ERN1: variants seen among roughly 807,000 people sequenced by gnomAD.
ERN1 encodes the protein serine/threonine-protein kinase/endoribonuclease IRE1.
Under a neutral mutation model 113.1 loss-of-function variants are expected in ERN1, and 39 were observed. The ratio of observed to expected loss-of-function variants is 0.34; its 90% CI spans 0.27 to 0.45. The LOEUF (loss-of-function observed/expected upper bound fraction) is 0.45. Among genes scored for constraint, ERN1 ranks in the 20% least tolerant of loss-of-function variants. The pLI, the probability that ERN1 is intolerant of heterozygous loss-of-function variation, is 1.00. For synonymous variants in ERN1, 507 were observed against 515.9 expected, an observed-to-expected ratio of 0.98 and a Z score of 0.23; for missense variants, 976 against 1,274.8, an observed-to-expected ratio of 0.77 and a Z score of 3.57.
In ERN1 at chr17:64,055,699, G is replaced by A; in HGVS notation, c.1648C>T (p.Pro550Ser). Residue 550 changes from proline (P) to serine (S), a missense_variant, in exon 13 of 22, where the codon CCC (proline) becomes TCC (serine). Coordinates refer to ENST00000433197, the MANE Select transcript of ERN1 (RefSeq NM_001433.5). ...CCTCCATCGTCTTGTTCCAGGGAGG[G>A]GCTGCTGCCAGCCTTGGAGGCAGAG... ...GSSASKAGSS[P>S]SLEQDDGDEE... The A allele has an allele frequency of 1.9e-6, 3 of 1,601,352 alleles. No homozygotes were observed. The highest frequency in any genetic ancestry group is 1.7e-6 in the Non-Finnish European group (2 of 1,173,396).
In ERN1 at chr17:64,075,030, C is replaced by T. The variant is rs1371494624; in HGVS notation, c.355+145G>A. 3 of 681,630 alleles carry T rather than the reference C, an allele frequency of 4.4e-6. No individual in the cohort carries two copies. In the African/African-American group the frequency reaches 5.6e-5, roughly 13 times the overall value. The allele number at this position is 681,630 out of a possible 1,614,324, so 42.2% of individuals were successfully genotyped here. Reference sequence around the variant, plus strand: ...CCCTTTCTTAATTGGTCAGCTGATCCTGGGGAGAACAGCACCTGAAGCACA... The same window carrying T: ...CCCTTTCTTAATTGGTCAGCTGATCTTGGGGAGAACAGCACCTGAAGCACA... On this transcript the variant is annotated intron_variant, in intron 5 of 21. Coordinates refer to ENST00000433197, the MANE Select transcript of ERN1 (RefSeq NM_001433.5).
intron 18 of ERN1, among the ~76,000 whole-genome samples, chr17:64,048,616 CAGG>C (rs1912585997): frequency 6.6e-6 from 1 of 152,130 alleles, no homozygotes. Context: ...GCACCCATAC[CAGG>C]AGACCAGGAG....
At position 64,098,227 on chromosome 17, in the gene ERN1, G is replaced by C; in HGVS notation, c.69C>G (p.Thr23=). The change falls in exon 2 of 22, where the codon ACC becomes ACG. Residue 23 remains threonine (T), a synonymous_variant. Transcript: ENST00000433197. ...AGGTTTCAGGAAGCGTCACTGTGCT[G>C]GTACTTCCAAAAATCTGCAACGAGA... is the stretch of plus-strand genomic sequence containing the variant. ...LLPGLGIFGS[T]STVTLPETLL... is the part of the protein sequence containing the mutation. The C allele has an allele frequency of 6.2e-7, 1 of 1,613,844 alleles. No individual in the cohort carries two copies. Among genetic ancestry groups the C allele is most frequent in the Non-Finnish European group, 8.5e-7 (1 of 1,179,838 alleles).
chr17:64,129,681 T>G, intron 1 of ERN1: 1 of 373,742 alleles, frequency 2.7e-6, no homozygotes, highest in Non-Finnish European at 4.8e-6. Flanking sequence ...CGCCACGAAG[T>G]TGCGCCCGAG....
chr17:64,053,246 T>C (rs1156638440), intron 16 of ERN1, 26 bp downstream of exon 16: 6 of 1,563,120 alleles, frequency 3.8e-6, no homozygotes, highest in Admixed American at 1.9e-5. Context: ...CCCGGGCCGC[T>C]GGCCTGGTAA....
In ERN1 at chr17:64,057,948, C is replaced by T. The variant is rs55869215; in HGVS notation, c.1252G>A (p.Val418Met). ...DQTSENAPTT[V>M]SRDVEEKPAH... ...GGCTTCTCCTCCACATCCCGAGACA[C>T]GGTGGTAGGTGCGTTTTCTGAAGTC... Residue 418 changes from valine (V) to methionine (M), a missense_variant, in exon 12 of 22, where the codon GTG becomes ATG. Around this residue, in one of 5 missense-constraint regions of ERN1, gnomAD observed 459 missense variants for 581.2 expected, o/e 0.79. Transcript: ENST00000433197. 8.1e-5 allele frequency: 130 copies of T among 1,603,602 alleles called. 1 individual carries two copies. The East Asian group carries it at 1.8e-3, about 22-fold the overall frequency.
Position 64,044,221 on chromosome 17 carries a change from C to G in ERN1, c.2722-21G>C. 1 of 1,474,116 alleles carries G rather than the reference C, an allele frequency of 6.8e-7. No individual in the cohort carries two copies. Among genetic ancestry groups the G allele is most frequent in the Non-Finnish European group, 9.1e-7 (1 of 1,104,906 alleles). 91.3% of individuals were successfully genotyped at this position (1,474,116 alleles called of 1,614,324 possible). On this transcript the variant is annotated intron_variant, in intron 21 of 21. Transcript: ENST00000433197. This position sits in a 1 kb window ranked among gnomAD's most constrained non-coding sequence, Gnocchi z 4.1. The stretch of plus-strand genomic sequence containing the variant: ...TGCTTCTGCAAAGAGTTAGAAAGCT[C>G]GGGAGATTAGAAAGGGGTTAGAAAG...
At chr17:64,045,638 C>G (rs912749080) in intron 19 of ERN1, among the ~76,000 whole-genome samples, 156 bp from the exon 20 acceptor site, 6 of 152,144 alleles carry the variant, frequency 3.9e-5, no homozygotes, top group African/African-American at 7.2e-5. Context: ...CCATGACTTT[C>G]CCTGTGAGCT....
intron 1 of ERN1, among the ~76,000 whole-genome samples, chr17:64,126,325 C>T (rs1303787582): frequency 6.6e-6 from 1 of 152,158 alleles, no homozygotes; most frequent in Non-Finnish European, 1.5e-5. Flanking sequence ...CTACATATTA[C>T]TTTGGATCCC....
intron 1 of ERN1, among the ~76,000 whole-genome samples, chr17:64,125,879 C>T (rs888560298): frequency 2.0e-5 from 3 of 152,150 alleles, no homozygotes; most frequent in East Asian, 3.9e-4. Context: ...CATTTTCTAC[C>T]GGGTTACAGA....
chr17:64,052,653 G>A, intron 17 of ERN1, 127 bp downstream of exon 17: 1 of 760,064 alleles, frequency 1.3e-6, no homozygotes, highest in Non-Finnish European at 2.0e-6. Flanking sequence ...AGAAGCTCTT[G>A]GTGAAAGGAA....
At position 64,094,340 on chromosome 17, in the gene ERN1, C is replaced by G. The variant is rs371166244; in HGVS notation, c.175+3781G>C. On this transcript the variant is annotated intron_variant, in intron 2 of 21. Transcript: ENST00000433197. ...TCCTGGGGGGAGTGTCAGCGTGTGT[C>G]CGAGCATTTACATGCTATATCTATG... Among the ~76,000 whole-genome samples, 50 of 152,184 alleles carry G rather than the reference C, an allele frequency of 3.3e-4. No homozygotes were observed. In the East Asian group the frequency reaches 7.5e-3, roughly 23 times the overall value.
chr17:64,083,417 A>G (rs1439068263), intron 2 of ERN1, among the ~76,000 whole-genome samples: 1 of 152,218 alleles, frequency 6.6e-6, no homozygotes, highest in Non-Finnish European at 1.5e-5. Context: ...GTTTTCAGCC[A>G]TGTGAAAAGA....
chr17:64,107,905 CA>C (rs2143475387), intron 1 of ERN1, among the ~76,000 whole-genome samples: 1 of 152,186 alleles, frequency 6.6e-6, no homozygotes, highest in East Asian at 1.9e-4. Flanking sequence ...TGTAGGTCAG[CA>C]ATAATCCATC....
chr17:64,077,332 A>G (rs1173700936), intron 4 of ERN1, among the ~76,000 whole-genome samples: 1 of 152,218 alleles, frequency 6.6e-6, no homozygotes, highest in East Asian at 1.9e-4. Context: ...AAAAGCACTC[A>G]TCATCACACA....
intron 2 of ERN1, among the ~76,000 whole-genome samples, chr17:64,083,138 G>A (rs1348823125): frequency 3.9e-5 from 6 of 151,994 alleles, no homozygotes; most frequent in East Asian, 1.9e-4. Flanking sequence ...CGGGGGGCGG[G>A]GAGGACAGAT....
chr17:64,087,611 T>C (rs9913630), intron 2 of ERN1, among the ~76,000 whole-genome samples: 3,933 of 152,314 alleles, frequency 0.026, 184 homozygotes, highest in African/African-American at 0.09. Flanking sequence ...CCCGCATTGA[T>C]AATTATTGAA....
intron 2 of ERN1, among the ~76,000 whole-genome samples, chr17:64,092,348 C>T (rs1457467191): frequency 6.6e-6 from 1 of 152,082 alleles, no homozygotes; most frequent in Admixed American, 6.5e-5. Context: ...GCAAGAGGCA[C>T]ATGTTTAGAA....
Position 64,119,067 on chromosome 17 carries a change from G to T in ERN1, c.54+10909C>A, listed in dbSNP as rs561337507. On this transcript the variant is annotated intron_variant, in intron 1 of 21. Transcript: ENST00000433197. ...CCATGAAGATGATTTTACCCATCAG[G>T]ATACTGTGAAGGAGCCTGGAAAACA... 6.6e-5 allele frequency among the ~76,000 whole-genome samples: 10 copies of T among 152,214 alleles called. No homozygotes were observed. The East Asian group carries it at 7.7e-4, about 12-fold the overall frequency.
Sources: allele counts gnomAD v4.1 joint callset (sites outside exome capture counted in the v4.1 genomes callset), GRCh38; gene constraint gnomAD v4.1.1; regional missense constraint gnomAD v4.1.1; non-coding constraint Gnocchi (gnomAD v3.1); transcripts MANE v1.5; gene names NCBI Gene and HGNC (gene_info 2026-07-23, HGNC 2026-07-21).